Variants in MINDY4 observed in about 807,000 individuals in gnomAD.
MINDY4 encodes MINDY lysine 48 deubiquitinase 4, also known as probable ubiquitin carboxyl-terminal hydrolase MINDY-4.
MINDY4 carries 68 observed loss-of-function variants against 87.0 expected under a neutral mutation model. The observed-to-expected ratio is 0.78, with a 90% CI of 0.64 to 0.96. MINDY4 has a LOEUF of 0.96. Among genes scored for constraint, MINDY4 ranks in the 40% least tolerant of loss-of-function variants. MINDY4 has a pLI of 0.00. For synonymous variants in MINDY4, 379 were observed against 363.2 expected (o/e 1.04, Z -0.50); for missense variants, 919 against 928.2 (o/e 0.99, Z 0.13).
chr7:30,849,471 C>T (rs549571325), intron 9 of MINDY4, among the ~76,000 whole-genome samples: 55 of 152,276 alleles, frequency 3.6e-4, no homozygotes, highest in African/African-American at 1.3e-3. Context: ...CGGCTGTTTC[C>T]CTTCCCTCTC....
chr7:30,887,196 C>T (rs763592098), intron 17 of MINDY4, among the ~76,000 whole-genome samples: 5 of 152,170 alleles, frequency 3.3e-5, no homozygotes, highest in Admixed American at 1.3e-4. Context: ...GCCCAGGCTC[C>T]CTGTCCACAG....
intron 5 of MINDY4, among the ~76,000 whole-genome samples, chr7:30,811,655 G>A (rs1788002732): frequency 6.6e-6 from 1 of 152,184 alleles, no homozygotes; most frequent in South Asian, 2.1e-4. Context: ...GGTAGTTAAA[G>A]ATCGAACCCT....
At chr7:30,836,231 G>C (rs764471085) in intron 6 of MINDY4, among the ~76,000 whole-genome samples, 2 of 152,148 alleles carry the variant, frequency 1.3e-5, no homozygotes, top group African/African-American at 2.4e-5. Flanking sequence ...TCCCAGTCCT[G>C]TCCTCTTCAC....
At chr7:30,814,830 A>T (rs1467374922) in intron 5 of MINDY4, among the ~76,000 whole-genome samples, 1 of 152,196 alleles carries the variant, frequency 6.6e-6, no homozygotes, top group Non-Finnish European at 1.5e-5. Flanking sequence ...TTTCTTTTCA[A>T]ATGGCTATGA....
chr7:30,828,583 C>A, intron 5 of MINDY4, 96 bp from the exon 6 acceptor site: 1 of 1,256,212 alleles, frequency 8.0e-7, no homozygotes, highest in Non-Finnish European at 1.2e-6. Flanking sequence ...AGAGACTTGT[C>A]TCCTGAATGC....
chr7:30,884,629 C>T (rs1790574392), intron 17 of MINDY4, among the ~76,000 whole-genome samples: 1 of 152,242 alleles, frequency 6.6e-6, no homozygotes, highest in Non-Finnish European at 1.5e-5. Flanking sequence ...AGGCCTCCGT[C>T]TGACTCTGTG....
rs760174280 is a variant in MINDY4, at chr7:30,781,993, TA to T, written c.205del (p.Thr69GlnfsTer49). On this transcript the variant is annotated frameshift_variant, in exon 3 of 18. Coordinates refer to ENST00000265299, the MANE Select transcript of MINDY4 (RefSeq NM_032222.3). LOFTEE classifies it high-confidence loss of function. ...CAATGATAGGCAAAGGAAAATCCTC[TA>T]AAAACAAGCCTTGAACTCATCACCA... ...YKENKAKENP[L>X]KTSLELITRY... 2 of 1,613,222 alleles carry T rather than the reference TA, an allele frequency of 1.2e-6. No individual in the cohort carries two copies. The highest frequency in any genetic ancestry group is 1.7e-6 in the Non-Finnish European group (2 of 1,179,708).
intron 14 of MINDY4, 105 bp from the exon 15 acceptor site, chr7:30,875,390 G>A (rs1420372402): frequency 7.0e-6 from 9 of 1,282,270 alleles, no homozygotes; most frequent in African/African-American, 5.9e-5. Context: ...CTCCCTCCTT[G>A]CTTTCCTTCC....
intron 15 of MINDY4, among the ~76,000 whole-genome samples, chr7:30,876,338 A>G (rs1458062266): frequency 6.6e-6 from 1 of 152,216 alleles, no homozygotes; most frequent in Non-Finnish European, 1.5e-5. Context: ...GTACTCCAGT[A>G]TGACCTCGTC....
At chr7:30,823,706 A>G (rs1373323960) in intron 5 of MINDY4, among the ~76,000 whole-genome samples, 1 of 151,864 alleles carries the variant, frequency 6.6e-6, no homozygotes, top group East Asian at 1.9e-4. Flanking sequence ...CTCCATCTTG[A>G]GTCTTTGGGA....
In MINDY4 at chr7:30,850,456, G is replaced by A. The variant is rs760411623; in HGVS notation, c.1448G>A (p.Gly483Glu). 3 of 1,611,194 alleles carry A rather than the reference G, an allele frequency of 1.9e-6. No individual in the cohort carries two copies. The highest frequency in any genetic ancestry group is 2.2e-5 in the East Asian group (1 of 44,800). The change falls in exon 10 of 18, where the codon GGA becomes GAA. Residue 483 changes from glycine (G) to glutamate (E), a missense_variant and splice_region_variant. Coordinates refer to ENST00000265299, the MANE Select transcript of MINDY4 (RefSeq NM_032222.3). Reference protein sequence around the residue: ...EGDSKADCAQGLQPSDAHRTR... With the variant: ...EGDSKADCAQELQPSDAHRTR... ...TGCCTTCCTTTTCTTGTCCGCAGGG[G>A]ACTGCAGCCTTCAGATGCCCACCGG... is the stretch of plus-strand genomic sequence containing the variant.
chr7:30,815,996 G>A (rs1196519371), intron 5 of MINDY4, among the ~76,000 whole-genome samples: 1 of 152,080 alleles, frequency 6.6e-6, no homozygotes, highest in African/African-American at 2.4e-5. Flanking sequence ...CTCTATTTCT[G>A]CCTACTTACC....
chr7:30,809,846 A>C (rs986583694), intron 5 of MINDY4, among the ~76,000 whole-genome samples: 1 of 152,102 alleles, frequency 6.6e-6, no homozygotes, highest in African/African-American at 2.4e-5. Flanking sequence ...TATATAGCAA[A>C]TTCTTGTCCT....
In MINDY4 at chr7:30,886,084, C is replaced by T. The variant is rs149321006; in HGVS notation, c.2225+3091C>T. ...CCCACCGTGTCAGGAAGGGGATACA[C>T]GTGACATCGTGGCATGAGCTCAGGT... On this transcript the variant is annotated intron_variant, in intron 17 of 17. Coordinates refer to ENST00000265299, the MANE Select transcript of MINDY4 (RefSeq NM_032222.3). Among the ~76,000 whole-genome samples the T allele has an allele frequency of 5.9e-5, 9 of 152,280 alleles. No homozygotes were observed. In the South Asian group the frequency reaches 6.2e-4, roughly 11 times the overall value.
At chr7:30,846,906 T>C (rs932683825) in intron 9 of MINDY4, among the ~76,000 whole-genome samples, 4 of 152,198 alleles carry the variant, frequency 2.6e-5, no homozygotes, top group African/African-American at 9.7e-5. Context: ...CCACTGCTGA[T>C]CTGACAGCAG....
chr7:30,802,069 AT>A (rs1787668449), intron 5 of MINDY4, among the ~76,000 whole-genome samples: 1 of 152,118 alleles, frequency 6.6e-6, no homozygotes. Context: ...TATTTGGGAG[AT>A]GAGTGTGAGA....
At chr7:30,809,073 G>A (rs140248723) in intron 5 of MINDY4, among the ~76,000 whole-genome samples, 1 of 152,062 alleles carries the variant, frequency 6.6e-6, no homozygotes, top group African/African-American at 2.4e-5. Flanking sequence ...AAAAAACAGT[G>A]TACCCTATTC....
chr7:30,833,910 T>G (rs927212588), intron 6 of MINDY4, among the ~76,000 whole-genome samples: 32 of 152,268 alleles, frequency 2.1e-4, no homozygotes, highest in African/African-American at 7.5e-4. Context: ...ATCTAGGTCA[T>G]GCTGATGCAA....
chr7:30,850,142 C>G (rs1324373182), intron 9 of MINDY4, among the ~76,000 whole-genome samples: 1 of 152,218 alleles, frequency 6.6e-6, no homozygotes, highest in Non-Finnish European at 1.5e-5. Context: ...ATGGCACTTT[C>G]TCTCACACAC....
Sources: gnomAD v4.1 joint callset for allele counts (sites outside exome capture counted in the v4.1 genomes callset) on GRCh38, gnomAD v4.1.1 for gene constraint, MANE v1.5 for transcripts, NCBI Gene and HGNC (gene_info 2026-07-23, HGNC 2026-07-21) for gene names.